The following CENPO variants were observed in gnomAD, a reference collection of about 807,000 sequenced individuals.
CENPO encodes the protein centromere protein O.
CENPO carries 30 observed loss-of-function variants against 36.1 expected under a neutral mutation model. The observed-to-expected ratio is 0.83, with a 90% CI of 0.62 to 1.13. The LOEUF (loss-of-function observed/expected upper bound fraction) is 1.13. Among genes scored for constraint, CENPO ranks in the 50% most tolerant of loss-of-function variants. The pLI is 0.00. For missense variants in CENPO, 349 were observed against 357.8 expected, an observed-to-expected ratio of 0.98 and a Z score of 0.20; for synonymous variants, 171 against 142.3, an observed-to-expected ratio of 1.20 and a Z score of -1.44.
In CENPO at chr2:24,814,409, CA is replaced by C; in HGVS notation, c.253del (p.Thr85GlnfsTer17). The stretch of plus-strand genomic sequence containing the variant: ...ATGTATTGCCAATGTAGAACCCAAC[CA>C]AACAGTGGAGATCAATGAGCAAGAA... ...KACIANVEPN[Q>X]TVEINEQEAL... is the part of the protein sequence containing the mutation. On this transcript the variant is annotated frameshift_variant, in exon 4 of 8. Coordinates refer to ENST00000380834, the MANE Select transcript of CENPO (RefSeq NM_001322101.2). LOFTEE classifies it high-confidence loss of function. 6.2e-7 allele frequency: 1 copy of C among 1,602,886 alleles called. No homozygotes were observed. The highest frequency in any genetic ancestry group is 8.5e-7 in the Non-Finnish European group (1 of 1,169,826).
At chr2:24,818,515 A>AC (rs1667070867) in intron 7 of CENPO, among the ~76,000 whole-genome samples, 2 of 152,204 alleles carry the variant, frequency 1.3e-5, no homozygotes, top group Admixed American at 1.3e-4. Flanking sequence ...ATTCTAGGCC[A>AC]CTGCTTTATA....
Position 24,799,711 on chromosome 2 carries a change from T to A in CENPO, c.83T>A (p.Val28Glu). Reference sequence around the variant, plus strand: ...CACTTGGAAAGGCTAGAGACCCAAGTGAGCAGATCCCGTAAACAGTCTGAA... The same window carrying A: ...CACTTGGAAAGGCTAGAGACCCAAGAGAGCAGATCCCGTAAACAGTCTGAA... ...LAHLERLETQ[V>E]SRSRKQSEEL... is the part of the protein sequence containing the mutation. Residue 28 changes from valine (V) to glutamate (E), a missense_variant, in exon 3 of 8, where the codon GTG becomes GAG. Val to Glu is a moderately radical substitution (Grantham distance 121, BLOSUM62 -2). Coordinates refer to ENST00000380834, the MANE Select transcript of CENPO (RefSeq NM_001322101.2). The A allele has an allele frequency of 3.7e-6, 6 of 1,614,002 alleles. No homozygotes were observed. Among genetic ancestry groups the A allele is most frequent in the Non-Finnish European group, 5.1e-6 (6 of 1,180,002 alleles).
intron 2 of CENPO, among the ~76,000 whole-genome samples, chr2:24,799,120 C>T (rs1280387959): frequency 6.6e-6 from 1 of 151,866 alleles, no homozygotes; most frequent in Non-Finnish European, 1.5e-5. Context: ...CCTCAGCCTC[C>T]CGAGTAGCTG....
At position 24,821,665 on chromosome 2, in the gene CENPO, G is replaced by A; in HGVS notation, c.*2347G>A. On this transcript the variant is annotated 3_prime_UTR_variant, in exon 8 of 8. Transcript: ENST00000380834. ...CCTGTGCCAGGGGACCGTGGAGAAAGTGTCAGGGGCCGCTCACTGCAGCAG... is the reference window on the plus strand; with the variant it reads ...CCTGTGCCAGGGGACCGTGGAGAAAATGTCAGGGGCCGCTCACTGCAGCAG... The A allele has an allele frequency of 6.2e-7, 1 of 1,612,604 alleles. No homozygotes were observed.
intron 3 of CENPO, among the ~76,000 whole-genome samples, chr2:24,806,028 C>T (rs763365480): frequency 3.9e-5 from 6 of 152,194 alleles, no homozygotes; most frequent in African/African-American, 9.6e-5. Flanking sequence ...CAAGGGCGGG[C>T]GCCCCTCCCC....
intron 3 of CENPO, among the ~76,000 whole-genome samples, chr2:24,801,674 C>A (rs1349372215): frequency 6.6e-6 from 1 of 152,110 alleles, no homozygotes; most frequent in Admixed American, 6.5e-5. Flanking sequence ...CTGTTCTGTT[C>A]CATTGGTCTA....
Position 24,815,523 on chromosome 2 carries a change from G to T in CENPO, c.361G>T (p.Gly121Ter), listed in dbSNP as rs1390914754. 1 of 1,614,038 alleles carries T rather than the reference G, an allele frequency of 6.2e-7. No homozygotes were observed. Among genetic ancestry groups the T allele is most frequent in the African/African-American group, 1.3e-5 (1 of 75,032 alleles). Reference protein sequence around the residue: ...TGLSGKLTSRGVCVCISTAFE... With the variant: ...TGLSGKLTSR The stretch of plus-strand genomic sequence containing the variant: ...CCTCAGTGGTAAACTGACCAGCCGA[G>T]GAGTTTGTGTCTGCATCAGTACTGC... The change falls in exon 5 of 8, where the codon GGA (glycine) becomes TGA (stop). Residue 121 changes from glycine (G) to a stop codon, truncating the protein, a stop_gained. Coordinates refer to ENST00000380834, the MANE Select transcript of CENPO (RefSeq NM_001322101.2). LOFTEE classifies it high-confidence loss of function.
intron 3 of CENPO, among the ~76,000 whole-genome samples, 197 bp from the exon 4 acceptor site, chr2:24,814,179 A>G (rs1455695399): frequency 6.6e-6 from 1 of 152,188 alleles, no homozygotes; most frequent in African/African-American, 2.4e-5. Flanking sequence ...TACAGTCTCC[A>G]CTTCTGATTC....
At chr2:24,805,231 T>A (rs1275631115) in intron 3 of CENPO, among the ~76,000 whole-genome samples, 2 of 152,082 alleles carry the variant, frequency 1.3e-5, no homozygotes, top group Non-Finnish European at 2.9e-5. Context: ...ATTCGTGTAA[T>A]TTTTTTCAAG....
chr2:24,819,225 A>C (rs1474212713), intron 7 of CENPO, 129 bp from the exon 8 acceptor site: 1 of 152,656 alleles, frequency 6.6e-6, no homozygotes, highest in Admixed American at 6.5e-5. Context: ...AATACCTGTA[A>C]ATTCTCTTAA....
In CENPO at chr2:24,820,281, C is replaced by T. The variant is rs114621898; in HGVS notation, c.*963C>T. On this transcript the variant is annotated 3_prime_UTR_variant, in exon 8 of 8. Coordinates refer to ENST00000380834, the MANE Select transcript of CENPO (RefSeq NM_001322101.2). ...AAGCCCTTCCACCCGTGGCGAGCAG[C>T]GGGTGGGAAGGAGAACCCTGGAGTG... is the stretch of plus-strand genomic sequence containing the variant. The T allele has an allele frequency of 7.0e-3, 8,653 of 1,243,704 alleles. 344 individuals are homozygous for T. The African/African-American group carries it at 0.11, about 15-fold the overall frequency. 77.0% of individuals were successfully genotyped at this position (1,243,704 alleles called of 1,614,324 possible). A position where few individuals can be genotyped will look rare whatever the true frequency, so the allele number is the denominator to read the frequency against.
intron 3 of CENPO, among the ~76,000 whole-genome samples, chr2:24,810,041 A>G (rs1362814159): frequency 4.9e-5 from 6 of 122,736 alleles, no homozygotes; most frequent in South Asian, 3.0e-4. Context: ...GAGTGAAACT[A>G]TGTCTCAAAA....
At chr2:24,807,052 A>G (rs1336855727) in intron 3 of CENPO, among the ~76,000 whole-genome samples, 2 of 152,154 alleles carry the variant, frequency 1.3e-5, no homozygotes, top group Non-Finnish European at 2.9e-5. Context: ...TTCATGAAAC[A>G]CCGCACCATT....
In CENPO at chr2:24,814,412, A is replaced by G; in HGVS notation, c.253A>G (p.Thr85Ala). The change falls in exon 4 of 8, where the codon ACA becomes GCA. Residue 85 changes from threonine (T) to alanine (A), a missense_variant. Physicochemically the swap from Thr to Ala is moderately conservative, Grantham distance 58. Transcript: ENST00000380834. ...ACIANVEPNQTVEINEQEALE... is the reference protein window; with the variant it reads ...ACIANVEPNQAVEINEQEALE... The stretch of plus-strand genomic sequence containing the variant: ...TATTGCCAATGTAGAACCCAACCAA[A>G]CAGTGGAGATCAATGAGCAAGAAGC... 6.2e-7 allele frequency: 1 copy of G among 1,604,078 alleles called. No individual in the cohort carries two copies. Among genetic ancestry groups the G allele is most frequent in the Non-Finnish European group, 8.5e-7 (1 of 1,170,836 alleles).
rs773515683 is a variant in CENPO, at chr2:24,817,820, C to T, written c.*14C>T. On this transcript the variant is annotated 3_prime_UTR_variant, in exon 7 of 8. Coordinates refer to ENST00000380834, the MANE Select transcript of CENPO (RefSeq NM_001322101.2). ...CTGGTCTCCTAATAGATTGTTTTCACTGCACTGGGAGCACATCAGAGGTAA... is the reference window on the plus strand; with the variant it reads ...CTGGTCTCCTAATAGATTGTTTTCATTGCACTGGGAGCACATCAGAGGTAA... 9.3e-6 allele frequency: 15 copies of T among 1,613,916 alleles called. No individual in the cohort carries two copies. The Admixed American group carries it at 1.7e-4, about 18-fold the overall frequency.
intron 3 of CENPO, among the ~76,000 whole-genome samples, chr2:24,805,486 C>T (rs1332826370): frequency 2.0e-5 from 3 of 152,136 alleles, no homozygotes; most frequent in Non-Finnish European, 2.9e-5. Flanking sequence ...ATGATAGTGA[C>T]GTACAGATGG....
chr2:24,795,142 A>G (rs1460712420), intron 2 of CENPO, among the ~76,000 whole-genome samples: 7 of 152,270 alleles, frequency 4.6e-5, no homozygotes, highest in Non-Finnish European at 1.5e-5. Context: ...GCCTTATTTC[A>G]TTTCTGTTAA....
intron 2 of CENPO, among the ~76,000 whole-genome samples, chr2:24,794,393 C>T (rs1665787386): frequency 6.6e-6 from 1 of 152,198 alleles, no homozygotes; most frequent in Non-Finnish European, 1.5e-5. Flanking sequence ...TCACTTTATT[C>T]TCTGCCTCTG....
In CENPO at chr2:24,820,903, C is replaced by G; in HGVS notation, c.*1585C>G. On this transcript the variant is annotated 3_prime_UTR_variant, in exon 8 of 8. Transcript: ENST00000380834. ...CCACAGGCCACACCTTGTTATGGGCCTCAGAAGCCATCTCCTCTCCAGACC... is the reference window on the plus strand; with the variant it reads ...CCACAGGCCACACCTTGTTATGGGCGTCAGAAGCCATCTCCTCTCCAGACC... 1 of 1,598,444 alleles carries G rather than the reference C, an allele frequency of 6.3e-7. No homozygotes were observed. The highest frequency in any genetic ancestry group is 8.5e-7 in the Non-Finnish European group (1 of 1,171,268).
Sources: gnomAD v4.1 joint callset for allele counts (sites outside exome capture counted in the v4.1 genomes callset) on GRCh38, gnomAD v4.1.1 for gene constraint, MANE v1.5 for transcripts, NCBI Gene and HGNC (gene_info 2026-07-23, HGNC 2026-07-21) for gene names.